Variants in MGAM observed in about 807,000 individuals in gnomAD.
The protein encoded by MGAM is maltase-glucoamylase.
MGAM carries 253 observed loss-of-function variants against 358.8 expected under a neutral mutation model. That is an observed-to-expected ratio of 0.71 (90% CI 0.64 to 0.78). MGAM has a LOEUF of 0.78. MGAM is among the 30% of genes least tolerant of loss of function. The pLI, the probability that MGAM is intolerant of heterozygous loss-of-function variation, is 0.00. For missense variants in MGAM, 3,080 were observed against 3,432.6 expected (o/e 0.90, Z 2.57); for synonymous variants, 1,105 against 1,227.1 (o/e 0.90, Z 2.08).
chr7:142,076,397 C>T lies in MGAM; in HGVS notation c.5325+145C>T, dbSNP rs1398941131. On this transcript the variant is annotated intron_variant, in intron 46 of 70. Coordinates refer to ENST00000475668, the MANE Select transcript of MGAM (RefSeq NM_001365693.1). ...AGCACATTTCTATTTATGATTTCATCGATGTTTTCAAAAGGAGGCATTAAT... is the reference window on the plus strand; with the variant it reads ...AGCACATTTCTATTTATGATTTCATTGATGTTTTCAAAAGGAGGCATTAAT... The T allele has an allele frequency of 2.4e-5, 24 of 980,556 alleles. 2 individuals are homozygous for T. The highest frequency in any genetic ancestry group is 2.1e-4 in the Middle Eastern group (1 of 4,804). 60.7% of individuals were successfully genotyped at this position (980,556 alleles called of 1,614,324 possible). A position where few individuals can be genotyped will look rare whatever the true frequency, so the allele number is the denominator to read the frequency against.
intron 57 of MGAM, among the ~76,000 whole-genome samples, chr7:142,090,327 T>A (rs1815252941): frequency 6.9e-6 from 1 of 145,662 alleles, no homozygotes; most frequent in Non-Finnish European, 1.6e-5. Flanking sequence ...CAGCTGTGGC[T>A]GATAATCTCT....
At chr7:142,027,570 C>A (rs895067176) in intron 9 of MGAM, 40 bp from the exon 10 acceptor site, 3 of 1,607,682 alleles carry the variant, frequency 1.9e-6, no homozygotes, top group Middle Eastern at 1.7e-4. Context: ...TTATTAAAAA[C>A]AGAGTATTTG....
At chr7:141,991,165 C>T (rs1171002578), upstream of MGAM, among the ~76,000 whole-genome samples, 3 of 152,124 alleles carry the variant, frequency 2.0e-5, no homozygotes, top group African/African-American at 4.8e-5. Flanking sequence ...AGCGTAGTTA[C>T]CAGGAGGAAG....
chr7:142,008,724 G>C lies in MGAM; in HGVS notation c.327+19G>C, dbSNP rs782723686. On this transcript the variant is annotated intron_variant, in intron 3 of 70. Coordinates refer to ENST00000475668, the MANE Select transcript of MGAM (RefSeq NM_001365693.1). ...AACAAAGGTTTGAGTTATGAATTTT[G>C]TTTCCATTTTAGAATTTATGCAACT... 7 of 1,600,716 alleles carry C rather than the reference G, an allele frequency of 4.4e-6. No homozygotes were observed. The highest frequency in any genetic ancestry group is 6.0e-6 in the Non-Finnish European group (7 of 1,173,828).
intron 1 of MGAM, among the ~76,000 whole-genome samples, chr7:141,998,609 G>C (rs1389923471): frequency 6.6e-6 from 1 of 152,152 alleles, no homozygotes; most frequent in Non-Finnish European, 1.5e-5. Flanking sequence ...TGACTGCATA[G>C]TATTTCATGG....
At chr7:142,038,827 C>A (rs906656796) in intron 19 of MGAM, among the ~76,000 whole-genome samples, 2 of 152,078 alleles carry the variant, frequency 1.3e-5, no homozygotes, top group Non-Finnish European at 2.9e-5. Context: ...AGTTCCCAAC[C>A]AGTTTAGAAG....
chr7:142,027,077 A>C (rs782184309), intron 8 of MGAM, 38 bp from the exon 9 acceptor site: 1 of 1,447,458 alleles, frequency 6.9e-7, no homozygotes, highest in South Asian at 1.1e-5. Flanking sequence ...TCAAGAATCA[A>C]TTCTGATTTT....
At chr7:142,060,450 C>T in intron 34 of MGAM, 77 bp downstream of exon 34, 5 of 1,527,012 alleles carry the variant, frequency 3.3e-6, no homozygotes, top group Non-Finnish European at 4.5e-6. Flanking sequence ...TGTGGACATG[C>T]CTGTACCGTG....
chr7:142,027,620 GGCCA>G lies in MGAM; in HGVS notation c.1110_1113del (p.Ala371PhefsTer19). The G allele has an allele frequency of 1.2e-6, 2 of 1,613,288 alleles. No homozygotes were observed. The highest frequency in any genetic ancestry group is 1.7e-6 in the Non-Finnish European group (2 of 1,179,582). On this transcript the variant is annotated frameshift_variant, in exon 10 of 71. Transcript: ENST00000475668. LOFTEE classifies it high-confidence loss of function. ...ACATATTTCTTTCAGCTCATTGGGC[GGCCA>G]GCCCTTCCCTCCTACTGGGCGCTTG...
Position 142,043,215 on chromosome 7 carries a change from T to C in MGAM, c.2498+2369T>C, listed in dbSNP as rs1395418738. On this transcript the variant is annotated intron_variant, in intron 21 of 70. Coordinates refer to ENST00000475668, the MANE Select transcript of MGAM (RefSeq NM_001365693.1). ...ATATAATATATATATTATATATACATATAATATCTAAATATAATATATATA... is the reference window on the plus strand; with the variant it reads ...ATATAATATATATATTATATATACACATAATATCTAAATATAATATATATA... Among the ~76,000 whole-genome samples, 7 of 12,474 alleles carry C rather than the reference T, an allele frequency of 5.6e-4. 2 individuals are homozygous for C. The highest frequency in any genetic ancestry group is 3.5e-3 in the African/African-American group (7 of 1,990). 8.2% of individuals were successfully genotyped at this position (12,474 alleles called of 152,430 possible). A position where few individuals can be genotyped will look rare whatever the true frequency, so the allele number is the denominator to read the frequency against.
chr7:141,993,655 T>G (rs558059145), upstream of MGAM, among the ~76,000 whole-genome samples: 1 of 152,196 alleles, frequency 6.6e-6, no homozygotes, highest in African/African-American at 2.4e-5. Context: ...GGGGAAAATA[T>G]TTACATATCT....
Position 142,106,084 on chromosome 7 carries a change from A to T in MGAM, c.*193A>T. ...AGCCCTGTGGGATAGGCAGTTAGGG[A>T]GGTGTGGAAAATCTATGCATTACCT... On this transcript the variant is annotated 3_prime_UTR_variant, in exon 71 of 71. Transcript: ENST00000475668. The T allele has an allele frequency of 2.0e-6, 1 of 501,006 alleles. No individual in the cohort carries two copies. Among genetic ancestry groups the T allele is most frequent in the Non-Finnish European group, 3.6e-6 (1 of 274,610 alleles). The allele number at this position is 501,006 out of a possible 1,614,324, so 31.0% of individuals were successfully genotyped here. A position where few individuals can be genotyped will look rare whatever the true frequency, so the allele number is the denominator to read the frequency against.
rs945940533 is a variant in MGAM, at chr7:142,042,180, C to T, written c.2498+1334C>T. Reference sequence around the variant, plus strand: ...TATACATATAATATATAATATATAACATATTATATATACATATAATATATA... The same window carrying T: ...TATACATATAATATATAATATATAATATATTATATATACATATAATATATA... On this transcript the variant is annotated intron_variant, in intron 21 of 70. Transcript: ENST00000475668. Among the ~76,000 whole-genome samples the T allele has an allele frequency of 9.1e-3, 9 of 992 alleles. 1 individual carries two copies. Among genetic ancestry groups the T allele is most frequent in the Non-Finnish European group, 0.011 (8 of 710 alleles). The allele number at this position is 992 out of a possible 152,430, so 0.7% of individuals were successfully genotyped here. A position where few individuals can be genotyped will look rare whatever the true frequency, so the allele number is the denominator to read the frequency against.
At chr7:142,027,949 A>T (rs1360489397) in intron 10 of MGAM, among the ~76,000 whole-genome samples, 1 of 152,118 alleles carries the variant, frequency 6.6e-6, no homozygotes, top group African/African-American at 2.4e-5. Context: ...ATAGATTGGG[A>T]GACCATAATT....
chr7:141,995,245 CA>C (rs60373445), upstream of MGAM, among the ~76,000 whole-genome samples: 469 of 134,006 alleles, frequency 3.5e-3, no homozygotes, highest in Non-Finnish European at 3.3e-3. Flanking sequence ...AAAAGCCAAC[CA>C]AAAAAAAAAA....
At chr7:142,041,970 TTA>T (rs72088649) in intron 21 of MGAM, among the ~76,000 whole-genome samples, 1,904 of 18,584 alleles carry the variant, frequency 0.1, 107 homozygotes, top group Middle Eastern at 0.17. Flanking sequence ...TATATATATA[TTA>T]TATATATATA....
chr7:142,087,787 A>T (rs1002325485), intron 57 of MGAM, among the ~76,000 whole-genome samples: 1 of 146,536 alleles, frequency 6.8e-6, no homozygotes, highest in African/African-American at 2.4e-5. Context: ...AGTATTAATC[A>T]GACAAATATC....
chr7:142,078,547 C>G, intron 48 of MGAM, 77 bp downstream of exon 48: 1 of 1,316,722 alleles, frequency 7.6e-7, no homozygotes, highest in Non-Finnish European at 1.0e-6. Context: ...AGCAGTGGCA[C>G]TTATATAACT....
In MGAM at chr7:142,047,868, C is replaced by G. The variant is rs371863994; in HGVS notation, c.2582C>G (p.Thr861Arg). 6.3e-7 allele frequency: 1 copy of G among 1,599,714 alleles called. No homozygotes were observed. The highest frequency in any genetic ancestry group is 8.6e-7 in the Non-Finnish European group (1 of 1,167,730). ...KGELFWDNGETKDTVANKVYL... is the reference protein window; with the variant it reads ...KGELFWDNGERKDTVANKVYL... The stretch of plus-strand genomic sequence containing the variant: ...GAACTTTTCTGGGATAATGGGGAAA[C>G]GAAGGGTGAGCACTTATACGATAAT... The change falls in exon 22 of 71, where the codon ACG becomes AGG. Residue 861 changes from threonine to arginine, a missense_variant. This residue lies in a region of MGAM where 1,816 missense variants were observed against 1,840.5 expected (regional missense o/e 0.99). Coordinates refer to ENST00000475668, the MANE Select transcript of MGAM (RefSeq NM_001365693.1).
Sources: allele counts gnomAD v4.1 joint callset (sites outside exome capture counted in the v4.1 genomes callset), GRCh38; gene constraint gnomAD v4.1.1; regional missense constraint gnomAD v4.1.1; transcripts MANE v1.5; gene names NCBI Gene and HGNC (gene_info 2026-07-23, HGNC 2026-07-21).